Variants in CTNNA3 observed in about 807,000 individuals in gnomAD.
CTNNA3 encodes the protein catenin alpha 3, also known as catenin alpha-3.
In CTNNA3, 76 loss-of-function variants were observed where a neutral mutation model predicts 95.7. The observed-to-expected ratio is 0.79, with a 90% confidence interval of 0.66 to 0.96. The LOEUF is 0.96. Among genes scored for constraint, CTNNA3 ranks in the 40% least tolerant of loss-of-function variants. The probability of loss-of-function intolerance (pLI) is 0.00; values close to 1 mark genes in which losing one functional copy is unlikely to be tolerated. For synonymous variants in CTNNA3, 431 were observed against 374.4 expected (o/e 1.15, Z -1.74); for missense variants, 1,191 against 1,089.8 (o/e 1.09, Z -1.31).
At chr10:66,530,024 T>C (rs1181844649) in intron 10 of CTNNA3, among the ~76,000 whole-genome samples, 2 of 152,206 alleles carry the variant, frequency 1.3e-5, no homozygotes, top group Non-Finnish European at 2.9e-5. Flanking sequence ...AATGCTGATG[T>C]ATATACTTCT....
chr10:66,773,968 C>G (rs993326253), intron 8 of CTNNA3, among the ~76,000 whole-genome samples: 1 of 152,194 alleles, frequency 6.6e-6, no homozygotes, highest in African/African-American at 2.4e-5. Context: ...CATAATTATA[C>G]TAAACCATGT....
At chr10:67,399,747 T>C (rs768509310) in intron 5 of CTNNA3, among the ~76,000 whole-genome samples, 9 of 152,224 alleles carry the variant, frequency 5.9e-5, no homozygotes, top group African/African-American at 9.6e-5. Flanking sequence ...CTTATGTTTC[T>C]GATAATTTTC....
chr10:66,179,056 T>C (rs955855522), intron 13 of CTNNA3, among the ~76,000 whole-genome samples: 4 of 151,970 alleles, frequency 2.6e-5, no homozygotes, highest in Admixed American at 1.3e-4. Context: ...TCTGGGAATT[T>C]ATCCCAGAGA....
At chr10:67,387,769 C>G (rs1844253898) in intron 5 of CTNNA3, among the ~76,000 whole-genome samples, 1 of 152,228 alleles carries the variant, frequency 6.6e-6, no homozygotes, top group Non-Finnish European at 1.5e-5. Flanking sequence ...TCTGAGCAGC[C>G]TAACTGGGAG....
chr10:67,556,213 C>T (rs1257187226), intron 3 of CTNNA3, among the ~76,000 whole-genome samples: 1 of 152,096 alleles, frequency 6.6e-6, no homozygotes, highest in African/African-American at 2.4e-5. Context: ...GCCTAAAATC[C>T]TCTTTTTTTG....
chr10:66,618,490 G>A (rs1589505165), intron 10 of CTNNA3, among the ~76,000 whole-genome samples: 1 of 152,130 alleles, frequency 6.6e-6, no homozygotes, highest in African/African-American at 2.4e-5. Flanking sequence ...ATGGTGCTGG[G>A]AAAACAGGCT....
intron 7 of CTNNA3, among the ~76,000 whole-genome samples, chr10:66,966,616 C>T (rs1589509883): frequency 6.6e-6 from 1 of 151,918 alleles, no homozygotes; most frequent in African/African-American, 2.4e-5. Flanking sequence ...ATAGATCATA[C>T]ACCTAATTTA....
chr10:66,228,122 T>G (rs1458867566), intron 13 of CTNNA3, among the ~76,000 whole-genome samples: 1 of 152,116 alleles, frequency 6.6e-6, no homozygotes, highest in Non-Finnish European at 1.5e-5. Flanking sequence ...ACTATCATTA[T>G]ATTGTTTTTA....
chr10:66,069,546 G>A, intron 14 of CTNNA3, 57 bp from the exon 15 acceptor site: 3 of 1,319,674 alleles, frequency 2.3e-6, no homozygotes. Context: ...AGCATTTTAG[G>A]AATAAGTAGA....
intron 17 of CTNNA3, among the ~76,000 whole-genome samples, chr10:65,966,043 G>C (rs1419475736): frequency 1.3e-5 from 2 of 152,100 alleles, no homozygotes; most frequent in Admixed American, 1.3e-4. Flanking sequence ...GTATACATTA[G>C]TTCTACCATG....
intron 7 of CTNNA3, among the ~76,000 whole-genome samples, chr10:66,939,810 C>T (rs990850196): frequency 1.3e-5 from 2 of 152,112 alleles, no homozygotes; most frequent in Non-Finnish European, 2.9e-5. Flanking sequence ...CTTTTGAGAA[C>T]CTTGCAGTCC....
At chr10:66,926,482 G>C in intron 7 of CTNNA3, 2 of 1,380,812 alleles carry the variant, frequency 1.4e-6, no homozygotes, top group East Asian at 4.6e-5. Context: ...CTGGGTGTCA[G>C]CGAGCCCTGA....
chr10:67,430,141 C>A (rs1212143324), intron 5 of CTNNA3, among the ~76,000 whole-genome samples: 5 of 151,938 alleles, frequency 3.3e-5, no homozygotes, highest in African/African-American at 1.2e-4. Flanking sequence ...CCTCTATAGT[C>A]CTCCTACTCT....
intron 4 of CTNNA3, 129 bp downstream of exon 4, chr10:67,539,374 T>C: frequency 2.1e-6 from 2 of 945,574 alleles, no homozygotes; most frequent in Non-Finnish European, 3.2e-6. Context: ...CCCAGTCTAG[T>C]CTGCTTCTGA....
chr10:67,011,920 G>A (rs1461566369), intron 7 of CTNNA3, among the ~76,000 whole-genome samples: 1 of 152,106 alleles, frequency 6.6e-6, no homozygotes, highest in Non-Finnish European at 1.5e-5. Flanking sequence ...ACCTGCCCTT[G>A]AAACCCACTA....
At chr10:67,217,657 G>A (rs1864443487) in intron 6 of CTNNA3, among the ~76,000 whole-genome samples, 1 of 152,172 alleles carries the variant, frequency 6.6e-6, no homozygotes, top group South Asian at 2.1e-4. Context: ...CAACTAAAAA[G>A]AGAAAAGAGA....
At chr10:66,497,926 C>T (rs946581521) in intron 11 of CTNNA3, among the ~76,000 whole-genome samples, 2 of 152,044 alleles carry the variant, frequency 1.3e-5, no homozygotes, top group African/African-American at 4.8e-5. Context: ...ATTGGATTGT[C>T]CTTTTAGGAA....
intron 1 of CTNNA3, among the ~76,000 whole-genome samples, chr10:67,744,408 T>G (rs2131742593): frequency 6.6e-6 from 1 of 151,342 alleles, no homozygotes; most frequent in East Asian, 1.9e-4. Context: ...GGGGAAAGGA[T>G]TCCCTATTTA....
intron 3 of CTNNA3, among the ~76,000 whole-genome samples, chr10:67,576,620 T>G (rs185637322): frequency 0.013 from 1,868 of 147,810 alleles, 52 homozygotes; most frequent in African/African-American, 0.045. Flanking sequence ...TAGTTACATA[T>G]GTATACATGT....
Sources: allele counts gnomAD v4.1 joint callset (sites outside exome capture counted in the v4.1 genomes callset), GRCh38; gene constraint gnomAD v4.1.1; transcripts MANE v1.5; gene names NCBI Gene and HGNC (gene_info 2026-07-23, HGNC 2026-07-21).